Variants in TNRC18 observed in about 807,000 individuals in gnomAD.
TNRC18 encodes trinucleotide repeat-containing gene 18 protein.
In TNRC18, 69 loss-of-function variants were observed where a neutral mutation model predicts 226.7. That is an observed-to-expected ratio of 0.30 (90% CI 0.25 to 0.37). The LOEUF is 0.37. TNRC18 is among the 10% of genes least tolerant of loss of function. The pLI is 1.00. For synonymous variants in TNRC18, 2,449 were observed against 1,927.6 expected, an observed-to-expected ratio of 1.27 and a Z score of -7.09; for missense variants, 4,754 against 4,256.6, an observed-to-expected ratio of 1.12 and a Z score of -3.25.
intron 2 of TNRC18, among the ~76,000 whole-genome samples, chr7:5,411,520 A>G (rs950919283): frequency 4.3e-4 from 65 of 151,476 alleles, no homozygotes; most frequent in African/African-American, 1.6e-3. Flanking sequence ...TCTGTCAAAA[A>G]AAAAAAAAAA....
chr7:5,309,018 A>C lies in TNRC18; in HGVS notation c.8626-69T>G. On this transcript the variant is annotated intron_variant, in intron 28 of 29. Transcript: ENST00000430969. This position sits in a 1 kb window ranked among gnomAD's most constrained non-coding sequence, Gnocchi z 5.7. ...GCTGCACCCGACCCCAGGCCCCAGGACAGGGCTGACCCACTGGGCAGGGCT... is the reference window on the plus strand; with the variant it reads ...GCTGCACCCGACCCCAGGCCCCAGGCCAGGGCTGACCCACTGGGCAGGGCT... 1 of 1,533,452 alleles carries C rather than the reference A, an allele frequency of 6.5e-7. No homozygotes were observed. The highest frequency in any genetic ancestry group is 8.9e-7 in the Non-Finnish European group (1 of 1,128,846). The allele number at this position is 1,533,452 out of a possible 1,614,324, so 95.0% of individuals were successfully genotyped here.
intron 5 of TNRC18, among the ~76,000 whole-genome samples, chr7:5,383,900 C>T (rs966355627): frequency 2.6e-5 from 4 of 151,938 alleles, no homozygotes; most frequent in African/African-American, 9.7e-5. Context: ...TCAAACTATC[C>T]TCCCACTTTA....
In TNRC18 at chr7:5,361,643, C is replaced by T. The variant is rs749334100; in HGVS notation, c.4612G>A (p.Ala1538Thr). 17 of 1,552,550 alleles carry T rather than the reference C, an allele frequency of 1.1e-5. 1 individual carries two copies. Among genetic ancestry groups the T allele is most frequent in the Admixed American group, 5.8e-5 (3 of 51,816 alleles). The change falls in exon 14 of 30, where the codon GCC (alanine) becomes ACC (threonine). Residue 1538 changes from alanine to threonine, a missense_variant. Physicochemically the swap from Ala to Thr is moderately conservative, Grantham distance 58. Coordinates refer to ENST00000430969, the MANE Select transcript of TNRC18 (RefSeq NM_001080495.3). ...CCTCTCTTGCGGGGGGGCGACAGGG[C>T]GCTCGGGGCGTGGGTCCGTTTCCGC... ...RPRKRTHAPS[A>T]LSPPRKRGKS... is the part of the protein sequence containing the mutation.
chr7:5,404,580 T>C (rs928023476), intron 2 of TNRC18, among the ~76,000 whole-genome samples: 2 of 152,084 alleles, frequency 1.3e-5, no homozygotes, highest in African/African-American at 4.8e-5. Context: ...CCAATTCATC[T>C]CCAGCTTTTG....
At chr7:5,325,486 C>G in intron 19 of TNRC18, 2 of 452,364 alleles carry the variant, frequency 4.4e-6, no homozygotes, top group South Asian at 2.5e-5. Flanking sequence ...CGCAGTGGCG[C>G]GATCTTGGCT....
chr7:5,307,846 A>C lies in TNRC18; in HGVS notation c.*260T>G. On this transcript the variant is annotated 3_prime_UTR_variant, in exon 30 of 30. Coordinates refer to ENST00000430969, the MANE Select transcript of TNRC18 (RefSeq NM_001080495.3). ...CTGGGCAGGAAGGGCCGGTCCGGCCATACCCTGATAGCTAAGAGGGGCCCC... is the reference window on the plus strand; with the variant it reads ...CTGGGCAGGAAGGGCCGGTCCGGCCCTACCCTGATAGCTAAGAGGGGCCCC... 7.4e-6 allele frequency: 4 copies of C among 539,760 alleles called. No individual in the cohort carries two copies. Among genetic ancestry groups the C allele is most frequent in the Non-Finnish European group, 6.7e-6 (2 of 297,348 alleles). 33.4% of individuals were successfully genotyped at this position (539,760 alleles called of 1,614,324 possible).
chr7:5,326,242 ACAGT>A (rs925538318), intron 19 of TNRC18, among the ~76,000 whole-genome samples: 97 of 151,890 alleles, frequency 6.4e-4, no homozygotes, highest in African/African-American at 2.1e-3. Flanking sequence ...CCATGCACAC[ACAGT>A]ATTTTAAAAA....
At chr7:5,334,523 T>A (rs1789892039) in intron 18 of TNRC18, among the ~76,000 whole-genome samples, 1 of 151,094 alleles carries the variant, frequency 6.6e-6, no homozygotes, top group Non-Finnish European at 1.5e-5. Flanking sequence ...GGTCTCGAAC[T>A]CCTGACCTTG....
intron 5 of TNRC18, among the ~76,000 whole-genome samples, chr7:5,385,509 A>AG (rs1160207597): frequency 1.1e-4 from 10 of 87,540 alleles, no homozygotes; most frequent in Admixed American, 4.3e-4. Flanking sequence ...AAAAAAAAAA[A>AG]AAAAAAAAGA....
intron 24 of TNRC18, among the ~76,000 whole-genome samples, chr7:5,318,670 A>AT (rs1788075915): frequency 6.6e-6 from 1 of 152,174 alleles, no homozygotes; most frequent in Non-Finnish European, 1.5e-5. Context: ...GTTTCCAGAG[A>AT]TAAAAAAGCA....
chr7:5,389,539 C>G (rs1421776003), intron 4 of TNRC18: 4 of 521,150 alleles, frequency 7.7e-6, no homozygotes, highest in Non-Finnish European at 1.1e-5. Context: ...ACTGCAACCT[C>G]CACCTCCTGG....
intron 21 of TNRC18, among the ~76,000 whole-genome samples, chr7:5,322,664 G>A (rs1406486491): frequency 1.3e-5 from 2 of 152,178 alleles, no homozygotes; most frequent in South Asian, 2.1e-4. Flanking sequence ...TGCCGACGGC[G>A]GTCACCTCTC....
chr7:5,315,416 GTTTTTTT>G (rs10601250), intron 25 of TNRC18, among the ~76,000 whole-genome samples: 2 of 147,594 alleles, frequency 1.4e-5, no homozygotes, highest in South Asian at 2.1e-4. Context: ...CTTTTGTTGG[GTTTTTTT>G]TTTTTTTTTT....
intron 24 of TNRC18, among the ~76,000 whole-genome samples, chr7:5,316,527 C>A (rs1787869233): frequency 1.3e-5 from 2 of 152,024 alleles, no homozygotes; most frequent in Admixed American, 1.3e-4. Context: ...GATCCGCCCA[C>A]CTCAGCCTCC....
chr7:5,395,368 G>A (rs975689650), intron 2 of TNRC18, among the ~76,000 whole-genome samples: 7 of 152,332 alleles, frequency 4.6e-5, no homozygotes, highest in Middle Eastern at 3.4e-3. Flanking sequence ...TAGGGGCCAC[G>A]GGGCAGACTG....
intron 2 of TNRC18, among the ~76,000 whole-genome samples, chr7:5,408,022 C>CACAAAAATGACAGTAAT (rs1781591829): frequency 6.6e-6 from 1 of 152,152 alleles, no homozygotes; most frequent in Non-Finnish European, 1.5e-5. Flanking sequence ...ACCAGAACCT[C>CACAAAAATGACAGTAAT]ACAAAAATGA....
Position 5,316,027 on chromosome 7 carries a change from A to G in TNRC18, c.6791T>C (p.Phe2264Ser). Reference sequence around the variant, plus strand: ...GATCCTGCCCGTGTCTCCGTCGTCAAACTCCACGGTGATCAAGTCCCCATC... The same window carrying G: ...GATCCTGCCCGTGTCTCCGTCGTCAGACTCCACGGTGATCAAGTCCCCATC... ...EDDGDLITVE[F>S]DDGDTGRIPL... Residue 2264 changes from phenylalanine to serine, a missense_variant, in exon 25 of 30, where the codon TTT becomes TCT. Phe to Ser is a radical substitution (Grantham distance 155). Coordinates refer to ENST00000430969, the MANE Select transcript of TNRC18 (RefSeq NM_001080495.3). 1 of 1,606,802 alleles carries G rather than the reference A, an allele frequency of 6.2e-7. No homozygotes were observed. The highest frequency in any genetic ancestry group is 1.1e-5 in the South Asian group (1 of 89,926).
intron 24 of TNRC18, among the ~76,000 whole-genome samples, chr7:5,319,134 T>A (rs1331466196): frequency 6.6e-6 from 1 of 152,230 alleles, no homozygotes; most frequent in Non-Finnish European, 1.5e-5. Context: ...TAAGGCCAAC[T>A]TCTGCCTTAT....
intron 2 of TNRC18, among the ~76,000 whole-genome samples, chr7:5,418,602 G>A (rs1364829193): frequency 6.6e-6 from 1 of 152,148 alleles, no homozygotes; most frequent in African/African-American, 2.4e-5. Flanking sequence ...TCCCTAGCTG[G>A]GTGACCCCAA....
Sources: allele counts gnomAD v4.1 joint callset (sites outside exome capture counted in the v4.1 genomes callset), GRCh38; gene constraint gnomAD v4.1.1; non-coding constraint Gnocchi (gnomAD v3.1); transcripts MANE v1.5; gene names NCBI Gene and HGNC (gene_info 2026-07-23, HGNC 2026-07-21).